HCRTR2: variants seen among roughly 807,000 people sequenced by gnomAD.
HCRTR2 encodes orexin receptor type 2.
In HCRTR2, 22 loss-of-function variants were observed where a neutral mutation model predicts 49.0. That is an observed-to-expected ratio of 0.45 (90% CI 0.32 to 0.64). HCRTR2 has a LOEUF of 0.64. Among genes scored for constraint, HCRTR2 ranks in the 30% least tolerant of loss-of-function variants. The pLI is 0.04. For missense variants in HCRTR2, 491 were observed against 559.4 expected (o/e 0.88, Z 1.23); for synonymous variants, 236 against 205.3 (o/e 1.15, Z -1.28).
At chr6:55,190,877 A>T (rs1765303980) in intron 1 of HCRTR2, among the ~76,000 whole-genome samples, 1 of 152,208 alleles carries the variant, frequency 6.6e-6, no homozygotes, top group East Asian at 1.9e-4. Context: ...CTTTAAATAG[A>T]GCCTCAGTTC....
chr6:55,252,376 C>A (rs2127314960), intron 2 of HCRTR2, among the ~76,000 whole-genome samples: 1 of 152,234 alleles, frequency 6.6e-6, no homozygotes, highest in South Asian at 2.1e-4. Flanking sequence ...ACATCTATCC[C>A]ATTTATCCAT....
chr6:55,179,140 G>A (rs1377202157), intron 1 of HCRTR2, among the ~76,000 whole-genome samples: 1 of 152,150 alleles, frequency 6.6e-6, no homozygotes, highest in Admixed American at 6.5e-5. Flanking sequence ...GTAAGTGGTA[G>A]AATTGCAAGT....
chr6:55,174,687 T>C lies in HCRTR2; in HGVS notation c.100T>C (p.Tyr34His). The C allele has an allele frequency of 6.2e-7, 1 of 1,614,054 alleles. No homozygotes were observed. Among genetic ancestry groups the C allele is most frequent in the Non-Finnish European group, 8.5e-7 (1 of 1,179,992 alleles). Residue 34 changes from tyrosine (Y) to histidine (H), a missense_variant, in exon 1 of 7, where the codon TAT becomes CAT. By Grantham distance (83) the Tyr-to-His change is moderately conservative. Coordinates refer to ENST00000370862, the MANE Select transcript of HCRTR2 (RefSeq NM_001384272.1). ...TQEPFLNPTD[Y>H]DDEEFLRYLW... is the part of the protein sequence containing the mutation. ...AGAGCCCTTTTTAAACCCCACCGAC[T>C]ATGACGACGAGGAATTCCTGCGGTA...
At chr6:55,133,384 C>CAA (rs139467671) in intron 1 of HCRTR2, among the ~76,000 whole-genome samples, 5 of 136,586 alleles carry the variant, frequency 3.7e-5, no homozygotes, top group South Asian at 4.8e-4. Flanking sequence ...TACACACACA[C>CAA]AAAAAAACAC....
intron 1 of HCRTR2, among the ~76,000 whole-genome samples, chr6:55,235,180 ATGT>A (rs928403432): frequency 6.6e-6 from 1 of 151,896 alleles, no homozygotes; most frequent in African/African-American, 2.4e-5. Flanking sequence ...GGCAGGGGGG[ATGT>A]TGTTGGAGAG....
At chr6:55,173,645 T>C (rs545306333), upstream of HCRTR2, among the ~76,000 whole-genome samples, 32 of 152,292 alleles carry the variant, frequency 2.1e-4, no homozygotes, top group African/African-American at 7.7e-4. Context: ...CAGTGAATGT[T>C]TAATATCATT....
intron 1 of HCRTR2, among the ~76,000 whole-genome samples, chr6:55,181,448 T>G (rs1765132865): frequency 6.6e-6 from 1 of 152,220 alleles, no homozygotes; most frequent in African/African-American, 2.4e-5. Context: ...AATAAATGAC[T>G]ATATCTTTAT....
At chr6:55,244,769 T>C (rs1766398813) in intron 1 of HCRTR2, among the ~76,000 whole-genome samples, 1 of 152,092 alleles carries the variant, frequency 6.6e-6, no homozygotes, top group African/African-American at 2.4e-5. Flanking sequence ...TACTAGGTTT[T>C]CTTCCAGGGT....
chr6:55,110,813 G>T (rs1339552467), intron 1 of HCRTR2, among the ~76,000 whole-genome samples: 1 of 150,968 alleles, frequency 6.6e-6, no homozygotes, highest in Non-Finnish European at 1.5e-5. Flanking sequence ...AACTAGACAG[G>T]TCATAAAGAT....
At chr6:55,206,613 T>A (rs575995293) in intron 1 of HCRTR2, among the ~76,000 whole-genome samples, 5 of 152,122 alleles carry the variant, frequency 3.3e-5, no homozygotes, top group African/African-American at 1.2e-4. Flanking sequence ...AAGCCAGTAA[T>A]CTTTCTAAAA....
intron 1 of HCRTR2, among the ~76,000 whole-genome samples, chr6:55,157,177 T>C (rs9396052): frequency 0.47 from 71,992 of 151,886 alleles, 18,130 homozygotes; most frequent in East Asian, 0.81. Context: ...TTCTACAAAG[T>C]TGCAGGATAC....
intron 1 of HCRTR2, among the ~76,000 whole-genome samples, chr6:55,221,615 C>T (rs537197005): frequency 2.0e-5 from 3 of 152,120 alleles, no homozygotes; most frequent in East Asian, 1.9e-4. Flanking sequence ...AGATCGAGAC[C>T]ATCCTGGCTA....
At chr6:55,192,109 G>T (rs1052937216) in intron 1 of HCRTR2, among the ~76,000 whole-genome samples, 1 of 151,838 alleles carries the variant, frequency 6.6e-6, no homozygotes, top group Non-Finnish European at 1.5e-5. Context: ...ATAAAATCCT[G>T]TGTATACTCA....
At chr6:55,201,976 T>C (rs1765520484) in intron 1 of HCRTR2, among the ~76,000 whole-genome samples, 1 of 152,178 alleles carries the variant, frequency 6.6e-6, no homozygotes, top group Non-Finnish European at 1.5e-5. Context: ...AAGAAGCAAC[T>C]TTAAGAATGT....
intron 4 of HCRTR2, 126 bp downstream of exon 4, chr6:55,263,948 C>CA (rs1374307445): frequency 1.4e-6 from 1 of 697,306 alleles, no homozygotes; most frequent in South Asian, 1.5e-5. Context: ...TTTAAGAATG[C>CA]ATTGAACCAA....
chr6:55,121,117 T>A (rs1581782246), intron 1 of HCRTR2, among the ~76,000 whole-genome samples: 3 of 152,258 alleles, frequency 2.0e-5, no homozygotes, highest in African/African-American at 7.2e-5. Flanking sequence ...ACATGGAATG[T>A]TCTTCCATTT....
chr6:55,172,111 T>G (rs114580376), upstream of HCRTR2, among the ~76,000 whole-genome samples: 807 of 152,296 alleles, frequency 5.3e-3, 6 homozygotes, highest in African/African-American at 0.018. Flanking sequence ...TCAAATTTAC[T>G]GGTGACAACA....
chr6:55,218,361 C>T (rs2127294704), intron 1 of HCRTR2, among the ~76,000 whole-genome samples: 1 of 152,220 alleles, frequency 6.6e-6, no homozygotes, highest in East Asian at 1.9e-4. Flanking sequence ...GATAAAAGTG[C>T]TATATGATAT....
At chr6:55,278,044 A>G (rs533051090) in intron 5 of HCRTR2, among the ~76,000 whole-genome samples, 1 of 152,334 alleles carries the variant, frequency 6.6e-6, no homozygotes, top group East Asian at 1.9e-4. Context: ...TATTCTAATT[A>G]TACTTAAAAG....
Sources: gnomAD v4.1 joint callset for allele counts (sites outside exome capture counted in the v4.1 genomes callset) on GRCh38, gnomAD v4.1.1 for gene constraint, MANE v1.5 for transcripts, NCBI Gene and HGNC (gene_info 2026-07-23, HGNC 2026-07-21) for gene names.